Variants in AVIL observed in about 807,000 individuals in gnomAD.
AVIL encodes the protein advillin.
A neutral mutation model predicts 109.9 loss-of-function variants in AVIL; 78 were observed. The observed-to-expected ratio is 0.71, with a 90% CI of 0.59 to 0.86. The LOEUF is 0.86. Ranked by LOEUF, AVIL falls within the 40% of genes least tolerant of loss-of-function variation. AVIL has a pLI of 0.00. For synonymous variants in AVIL, 367 were observed against 379.1 expected (o/e 0.97, Z 0.37); for missense variants, 892 against 1,016.5 (o/e 0.88, Z 1.67).
intron 4 of AVIL, among the ~76,000 whole-genome samples, chr12:57,811,962 C>CT (rs1956043912): frequency 6.6e-6 from 1 of 152,088 alleles, no homozygotes; most frequent in Non-Finnish European, 1.5e-5. Context: ...AACTGTTGAC[C>CT]TTTTTATTTT....
intron 17 of AVIL, 27 bp downstream of exon 17, chr12:57,802,133 T>C: frequency 6.2e-7 from 1 of 1,610,972 alleles, no homozygotes; most frequent in Non-Finnish European, 8.5e-7. Flanking sequence ...GGCAGGAAGT[T>C]AGAGCTTCCC....
chr12:57,812,510 C>T (rs1326674391), intron 4 of AVIL, among the ~76,000 whole-genome samples: 1 of 152,040 alleles, frequency 6.6e-6, no homozygotes, highest in Non-Finnish European at 1.5e-5. Context: ...TACAGGTGTG[C>T]ACCAGCATGC....
Position 57,810,929 on chromosome 12 carries a change from G to T in AVIL, c.448-3C>A, listed in dbSNP as rs1206672003. The T allele has an allele frequency of 6.2e-7, 1 of 1,614,044 alleles. No individual in the cohort carries two copies. Among genetic ancestry groups the T allele is most frequent in the Non-Finnish European group, 8.5e-7 (1 of 1,179,890 alleles). On this transcript the variant is annotated splice_region_variant and splice_polypyrimidine_tract_variant and intron_variant, in intron 5 of 19. Coordinates refer to ENST00000549994, the MANE Select transcript of AVIL (RefSeq NM_006576.4). ...AAACTGTCCCAGCTCATTTCCACCT[G>T]TCGATGAGAGGTAAACATTGTTCAG...
At position 57,807,638 on chromosome 12, in the gene AVIL, G is replaced by A; in HGVS notation, c.1284C>T (p.Tyr428=). 6.2e-7 allele frequency: 1 copy of A among 1,614,228 alleles called. No homozygotes were observed. Among genetic ancestry groups the A allele is most frequent in the South Asian group, 1.1e-5 (1 of 91,082 alleles). The change falls in exon 12 of 20, where the codon TAC becomes TAT. Residue 428 remains tyrosine, a synonymous_variant. Coordinates refer to ENST00000549994, the MANE Select transcript of AVIL (RefSeq NM_006576.4). ...GTGGCTTCCCATTTACCTCGTATGT[G>A]TAGAGGACCAGATAACAGTCTCCCC... The part of the protein sequence containing the change: ...FYGGDCYLVL[Y]TYEVNGKPHH...
rs201176803 is a variant in AVIL at position 57,807,585 on chromosome 12, C to G, written c.1332+5G>C. 7.4e-6 allele frequency: 12 copies of G among 1,614,264 alleles called. No homozygotes were observed. The highest frequency in any genetic ancestry group is 1.3e-5 in the African/African-American group (1 of 75,068). ...ATCCAAAGCTGAAGCCTGTGCCAGGCCTACCTGCCAGATGTACAAGATGTG... is the reference window on the plus strand; with the variant it reads ...ATCCAAAGCTGAAGCCTGTGCCAGGGCTACCTGCCAGATGTACAAGATGTG... On this transcript the variant is annotated splice_donor_5th_base_variant and intron_variant, in intron 12 of 19. Transcript: ENST00000549994.
chr12:57,803,134 C>A, intron 16 of AVIL, 113 bp downstream of exon 16: 1 of 1,357,460 alleles, frequency 7.4e-7, no homozygotes, highest in Non-Finnish European at 1.0e-6. Flanking sequence ...TTTGATTGAG[C>A]TGGGGATGGT....
intron 11 of AVIL, 63 bp downstream of exon 11, chr12:57,808,131 C>T: frequency 1.3e-6 from 2 of 1,549,318 alleles, no homozygotes; most frequent in South Asian, 2.2e-5. Context: ...GCACCCCTGC[C>T]CCCAGCAGGA....
At chr12:57,805,700 A>AT (rs1329451583) in intron 14 of AVIL, among the ~76,000 whole-genome samples, 70 of 150,908 alleles carry the variant, frequency 4.6e-4, no homozygotes, top group African/African-American at 1.4e-3. Context: ...CACCCGGCTA[A>AT]TTTTTTTTGT....
chr12:57,806,056 C>T lies in AVIL; in HGVS notation c.1671+304G>A, dbSNP rs183086304. On this transcript the variant is annotated intron_variant, in intron 14 of 19. Transcript: ENST00000549994. The stretch of plus-strand genomic sequence containing the variant: ...TTCACCATGTTGGCCAGGCTGGTCT[C>T]GAACTCCTGACCTCGTGATTTGCCT... 1.3e-3 allele frequency: 367 copies of T among 283,380 alleles called. 2 individuals carry two copies. Among genetic ancestry groups the T allele is most frequent in the Non-Finnish European group, 1.4e-3 (204 of 148,694 alleles). The allele number at this position is 283,380 out of a possible 1,614,324, so 17.6% of individuals were successfully genotyped here.
chr12:57,799,824 G>T lies in AVIL; in HGVS notation c.2317C>A (p.Pro773Thr), dbSNP rs1402667326. ...TTTTTGGCAGGGTTTACATCCTCAG[G>T]CAGCTCCTGATTCTGGTTTTTCAAC... ...VLLKNQNQEL[P>T]EDVNPAKKEN... The change falls in exon 19 of 20, where the codon CCT becomes ACT. Residue 773 changes from proline (P) to threonine (T), a missense_variant. Physicochemically the swap from Pro to Thr is conservative, Grantham distance 38. Transcript: ENST00000549994. 5 of 1,614,064 alleles carry T rather than the reference G, an allele frequency of 3.1e-6. No individual in the cohort carries two copies. The highest frequency in any genetic ancestry group is 2.5e-6 in the Non-Finnish European group (3 of 1,180,022).
intron 18 of AVIL, chr12:57,800,275 T>G: frequency 5.1e-6 from 1 of 194,986 alleles, no homozygotes; most frequent in Non-Finnish European, 1.1e-5. Flanking sequence ...GACTTTAGGT[T>G]GTAGTCCTAC....
At chr12:57,805,324 T>C (rs1329327024) in intron 14 of AVIL, among the ~76,000 whole-genome samples, 1 of 152,200 alleles carries the variant, frequency 6.6e-6, no homozygotes, top group Non-Finnish European at 1.5e-5. Flanking sequence ...CCCAAAGTGC[T>C]GGGATTACAG....
At chr12:57,814,510 A>T in intron 2 of AVIL, 1 of 377,244 alleles carries the variant, frequency 2.7e-6, no homozygotes. Context: ...ATCTCGCACT[A>T]TTGTGGGAAA....
chr12:57,808,025 A>G, intron 11 of AVIL, 169 bp downstream of exon 11: 3 of 848,268 alleles, frequency 3.5e-6, no homozygotes, highest in Non-Finnish European at 5.9e-6. Context: ...TGTGCCTTTC[A>G]CTACCCTGAA....
At position 57,802,239 on chromosome 12, in the gene AVIL, G is replaced by A. The variant is rs1955863254; in HGVS notation, c.2072C>T (p.Pro691Leu). The change falls in exon 17 of 20, where the codon CCA becomes CTA. Residue 691 changes from proline (P) to leucine (L), a missense_variant. Coordinates refer to ENST00000549994, the MANE Select transcript of AVIL (RefSeq NM_006576.4). ...THPSGRDPDT[P>L]ILIIKQGFEP... ...AAACCCCTGCTTAATGATCAGGATT[G>A]GTGTGTCGGGATCTCGGCCGCTGGG... The A allele has an allele frequency of 6.2e-7, 1 of 1,614,058 alleles. No individual in the cohort carries two copies.
In AVIL at chr12:57,797,835, T is replaced by C; in HGVS notation, c.*47A>G. 1 of 1,402,396 alleles carries C rather than the reference T, an allele frequency of 7.1e-7. No homozygotes were observed. The highest frequency in any genetic ancestry group is 9.7e-7 in the Non-Finnish European group (1 of 1,031,022). The allele number at this position is 1,402,396 out of a possible 1,614,324, so 86.9% of individuals were successfully genotyped here. The stretch of plus-strand genomic sequence containing the variant: ...ATAAATTATTTCCTGATATTGGCAC[T>C]ATCTGCTCTTTTCTGTGGCCTTGCA... On this transcript the variant is annotated 3_prime_UTR_variant, in exon 20 of 20. Coordinates refer to ENST00000549994, the MANE Select transcript of AVIL (RefSeq NM_006576.4).
intron 4 of AVIL, among the ~76,000 whole-genome samples, chr12:57,812,134 A>G (rs1956045909): frequency 6.6e-6 from 1 of 152,142 alleles, no homozygotes; most frequent in Non-Finnish European, 1.5e-5. Context: ...TTGAGGGCTC[A>G]ATACCCTCAG....
chr12:57,813,209 CTG>C lies in AVIL; in HGVS notation c.338+16_338+17del, dbSNP rs751695535. Reference sequence around the variant, plus strand: ...GTAAACTGCTGTTTCTGTCCTTGCTCTGTGCACCCCTACTCACATGATGCCCT... The same window carrying C: ...GTAAACTGCTGTTTCTGTCCTTGCTCTGCACCCCTACTCACATGATGCCCT... On this transcript the variant is annotated intron_variant, in intron 4 of 19. Coordinates refer to ENST00000549994, the MANE Select transcript of AVIL (RefSeq NM_006576.4). The C allele has an allele frequency of 7.5e-6, 12 of 1,590,640 alleles. No individual in the cohort carries two copies. Among genetic ancestry groups the C allele is most frequent in the African/African-American group, 1.3e-5 (1 of 74,222 alleles).
intron 4 of AVIL, among the ~76,000 whole-genome samples, chr12:57,811,540 G>A (rs554328349): frequency 6.6e-6 from 1 of 152,272 alleles, no homozygotes; most frequent in South Asian, 2.1e-4. Context: ...ATGACTCCAC[G>A]GCCTTAAGAC....
Sources: allele counts gnomAD v4.1 joint callset (sites outside exome capture counted in the v4.1 genomes callset), GRCh38; gene constraint gnomAD v4.1.1; transcripts MANE v1.5; gene names NCBI Gene and HGNC (gene_info 2026-07-23, HGNC 2026-07-21).